The following ADGRV1 variants were observed in gnomAD, a reference collection of about 807,000 sequenced individuals.
ADGRV1 encodes adhesion G protein-coupled receptor V1.
A neutral mutation model predicts 596.2 loss-of-function variants in ADGRV1; 359 were observed. The ratio of observed to expected loss-of-function variants is 0.60; its 90% CI spans 0.55 to 0.66. The LOEUF (loss-of-function observed/expected upper bound fraction) is 0.66. Ranked by LOEUF, ADGRV1 falls within the 30% of genes least tolerant of loss-of-function variation. The pLI is 0.00. For missense variants in ADGRV1, 7,274 were observed against 7,575.6 expected (o/e 0.96, Z 1.48); for synonymous variants, 2,681 against 2,679.2 (o/e 1.00, Z -0.02).
At chr5:91,031,119 G>A (rs1331989119) in intron 85 of ADGRV1, 1 of 1,367,750 alleles carries the variant, frequency 7.3e-7, no homozygotes, top group African/African-American at 1.4e-5. Flanking sequence ...TTGTACACAA[G>A]TAAAAGAACA....
intron 31 of ADGRV1, among the ~76,000 whole-genome samples, chr5:90,692,366 G>C (rs566456348): frequency 6.6e-6 from 1 of 152,144 alleles, no homozygotes; most frequent in East Asian, 1.9e-4. Flanking sequence ...ATATTAAGGA[G>C]TTTAAACAGC....
At chr5:90,751,226 A>T (rs1415879060) in intron 53 of ADGRV1, among the ~76,000 whole-genome samples, 1 of 152,176 alleles carries the variant, frequency 6.6e-6, no homozygotes. Flanking sequence ...GGAGAAGTTG[A>T]TCCACAGGCA....
Position 90,704,732 on chromosome 5 carries a change from C to A in ADGRV1, c.8386+244C>A, listed in dbSNP as rs56369423. On this transcript the variant is annotated intron_variant, in intron 36 of 89. Coordinates refer to ENST00000405460, the MANE Select transcript of ADGRV1 (RefSeq NM_032119.4). ...TTACTTACAGAATAAAATTCATTTC[C>A]GAAGGTAGAATTTTTTTGAAATTAA... is the stretch of plus-strand genomic sequence containing the variant. 0.32 allele frequency among the ~76,000 whole-genome samples: 48,235 copies of A among 151,900 alleles called. 8,183 individuals are homozygous for A. Among genetic ancestry groups the A allele is most frequent in the Admixed American group, 0.48 (7,380 of 15,276 alleles).
chr5:90,693,897 C>T lies in ADGRV1; in HGVS notation c.7141C>T (p.His2381Tyr). ...TGTCACTCCACATTTTAGCGGAGGG[C>T]ACTTTGGTCGGCTGTTGTTGTTCTA... ...ANITVRRSGG[H>Y]FGRLLLFYST... The change falls in exon 33 of 90, where the codon CAC (histidine) becomes TAC (tyrosine). Residue 2381 changes from histidine to tyrosine, a missense_variant. Coordinates refer to ENST00000405460, the MANE Select transcript of ADGRV1 (RefSeq NM_032119.4). The T allele has an allele frequency of 1.9e-6, 3 of 1,547,168 alleles. No homozygotes were observed. Among genetic ancestry groups the T allele is most frequent in the Non-Finnish European group, 2.6e-6 (3 of 1,146,118 alleles).
chr5:90,724,987 G>C lies in ADGRV1; in HGVS notation c.9904G>C (p.Glu3302Gln). Reference protein sequence around the residue: ...YRWQGIFIPVEDLNIENPKTC... With the variant: ...YRWQGIFIPVQDLNIENPKTC... The stretch of plus-strand genomic sequence containing the variant: ...ATGGCAGGGGATTTTTATTCCAGTT[G>C]AGGTAAACATCAGTATTTTTTTATA... Residue 3302 changes from glutamate (E) to glutamine (Q), a missense_variant and splice_region_variant, in exon 46 of 90, where the codon GAG becomes CAG. Glu to Gln is a conservative substitution (Grantham distance 29, BLOSUM62 2). Transcript: ENST00000405460. 3.8e-6 allele frequency: 6 copies of C among 1,594,044 alleles called. No homozygotes were observed. Among genetic ancestry groups the C allele is most frequent in the Non-Finnish European group, 5.1e-6 (6 of 1,172,658 alleles).
intron 85 of ADGRV1, among the ~76,000 whole-genome samples, chr5:91,067,174 C>T (rs1225338732): frequency 1.5e-5 from 2 of 137,328 alleles, no homozygotes; most frequent in South Asian, 2.3e-4. Context: ...GACGGAGTCT[C>T]GCTCTTGTTG....
intron 21 of ADGRV1, 48 bp from the exon 22 acceptor site, chr5:90,672,498 C>A: frequency 1.4e-6 from 2 of 1,430,128 alleles, no homozygotes; most frequent in South Asian, 1.3e-5. Context: ...AATTTTGTCA[C>A]TGATTTGAAT....
intron 83 of ADGRV1, among the ~76,000 whole-genome samples, chr5:90,929,863 G>A (rs928292740): frequency 4.6e-5 from 7 of 151,972 alleles, no homozygotes; most frequent in South Asian, 2.1e-4. Context: ...TCTGTACAAC[G>A]TTAAGGAAAG....
chr5:90,991,411 T>G (rs1230768168), intron 85 of ADGRV1, among the ~76,000 whole-genome samples: 1 of 152,202 alleles, frequency 6.6e-6, no homozygotes, highest in East Asian at 1.9e-4. Flanking sequence ...ACTTCATAAC[T>G]TAATTTTAAA....
Position 90,708,846 on chromosome 5 carries a change from C to T in ADGRV1, c.8761C>T (p.Leu2921=). 6.2e-7 allele frequency: 1 copy of T among 1,610,800 alleles called. No homozygotes were observed. The highest frequency in any genetic ancestry group is 1.3e-5 in the African/African-American group (1 of 74,934). ...DDVPELEEYF[L]VNLTYVGLTM... ...TGTACCAGAGCTAGAAGAATATTTC[C>T]TGGTGAATTTAACTTACGTTGGACT... Residue 2921 remains leucine, a synonymous_variant, in exon 39 of 90, where the codon CTG becomes TTG. Transcript: ENST00000405460.
At chr5:91,059,795 T>G (rs989089088) in intron 85 of ADGRV1, among the ~76,000 whole-genome samples, 1 of 152,246 alleles carries the variant, frequency 6.6e-6, no homozygotes, top group Non-Finnish European at 1.5e-5. Flanking sequence ...TATTTCTTTT[T>G]AACATTTATC....
At chr5:90,873,428 T>A (rs1002122296) in intron 83 of ADGRV1, among the ~76,000 whole-genome samples, 2 of 152,160 alleles carry the variant, frequency 1.3e-5, no homozygotes, top group African/African-American at 2.4e-5. Context: ...GATGATGGCA[T>A]GTGCAAGTGA....
At chr5:90,925,347 A>T in intron 83 of ADGRV1, among the ~76,000 whole-genome samples, 1 of 151,184 alleles carries the variant, frequency 6.6e-6, no homozygotes, top group Non-Finnish European at 1.5e-5. Flanking sequence ...GGTCCTTCAC[A>T]TCCCTTGTAA....
intron 85 of ADGRV1, among the ~76,000 whole-genome samples, chr5:91,011,383 C>A (rs1782706356): frequency 1.3e-5 from 2 of 151,874 alleles, no homozygotes; most frequent in African/African-American, 4.8e-5. Context: ...GATTTGTCTT[C>A]TCTTCACAGT....
At chr5:90,796,079 G>A (rs903371439) in intron 70 of ADGRV1, among the ~76,000 whole-genome samples, 4 of 152,176 alleles carry the variant, frequency 2.6e-5, no homozygotes, top group Non-Finnish European at 5.9e-5. Flanking sequence ...TCCTCCAATG[G>A]ATCACAACTT....
chr5:90,682,251 T>C (rs532458877), intron 27 of ADGRV1, among the ~76,000 whole-genome samples: 3 of 152,194 alleles, frequency 2.0e-5, no homozygotes, highest in Non-Finnish European at 4.4e-5. Flanking sequence ...TTTTATCTTC[T>C]TGGCGGAGGG....
chr5:90,577,589 T>C (rs917957576), intron 1 of ADGRV1, among the ~76,000 whole-genome samples: 9 of 152,236 alleles, frequency 5.9e-5, no homozygotes, highest in South Asian at 2.1e-4. Context: ...AGGATTGTCT[T>C]GACAATGTGG....
chr5:90,724,747 T>G, intron 45 of ADGRV1, 85 bp from the exon 46 acceptor site: 1 of 1,228,522 alleles, frequency 8.1e-7, no homozygotes, highest in South Asian at 1.3e-5. Flanking sequence ...ACAAATGCAC[T>G]TGTCTCATTG....
At chr5:90,848,348 GTTAAAA>G (rs1264814296) in intron 78 of ADGRV1, among the ~76,000 whole-genome samples, 1 of 152,056 alleles carries the variant, frequency 6.6e-6, no homozygotes, top group Non-Finnish European at 1.5e-5. Flanking sequence ...AATTATTGTA[GTTAAAA>G]TTAAATAATC....
Sources: allele counts gnomAD v4.1 joint callset (sites outside exome capture counted in the v4.1 genomes callset), GRCh38; gene constraint gnomAD v4.1.1; transcripts MANE v1.5; gene names NCBI Gene and HGNC (gene_info 2026-07-23, HGNC 2026-07-21).